TTC8: variants seen among roughly 807,000 people sequenced by gnomAD.
TTC8 encodes tetratricopeptide repeat domain 8, also known as tetratricopeptide repeat protein 8.
Under a neutral mutation model 72.5 loss-of-function variants are expected in TTC8, and 47 were observed. The ratio of observed to expected loss-of-function variants is 0.65; its 90% CI spans 0.51 to 0.83. The LOEUF is 0.83. Ranked by LOEUF, TTC8 falls within the 40% of genes least tolerant of loss-of-function variation. TTC8 has a pLI of 0.00. For synonymous variants in TTC8, 199 were observed against 221.4 expected (o/e 0.90, Z 0.90); for missense variants, 611 against 623.2 (o/e 0.98, Z 0.21).
chr14:88,841,374 C>T (rs1456952021), intron 5 of TTC8, 51 bp from the exon 6 acceptor site: 2 of 1,606,776 alleles, frequency 1.2e-6, no homozygotes, highest in East Asian at 2.2e-5. Context: ...AACTTGTTTA[C>T]ATTTCAAGAG....
At chr14:88,840,533 G>A (rs569386779) in intron 3 of TTC8, among the ~76,000 whole-genome samples, 72 of 152,148 alleles carry the variant, frequency 4.7e-4, no homozygotes, top group Admixed American at 6.5e-4. Context: ...TATGAAGATA[G>A]AACCATTATT....
chr14:88,833,710 G>T lies in TTC8; in HGVS notation c.132G>T (p.Leu44Phe), dbSNP rs1205043296. Reference sequence around the variant, plus strand: ...CTTTCCAGGAACCAGATCCTGAATTGCCAGTGCATCAGGTAAAGAAAGGTT... The same window carrying T: ...CTTTCCAGGAACCAGATCCTGAATTTCCAGTGCATCAGGTAAAGAAAGGTT... The part of the protein sequence containing the change: ...SPYDQEPDPE[L>F]PVHQAAWILK... The change falls in exon 2 of 15, where the codon TTG becomes TTT. Residue 44 changes from leucine to phenylalanine, a missense_variant. Physicochemically the swap from Leu to Phe is conservative, Grantham distance 22. Coordinates refer to ENST00000380656, the MANE Select transcript of TTC8 (RefSeq NM_144596.4). 1.9e-6 allele frequency: 3 copies of T among 1,613,536 alleles called. No homozygotes were observed. The highest frequency in any genetic ancestry group is 2.5e-6 in the Non-Finnish European group (3 of 1,179,686).
At chr14:88,848,722 G>A (rs1037109582) in intron 7 of TTC8, among the ~76,000 whole-genome samples, 3 of 152,040 alleles carry the variant, frequency 2.0e-5, no homozygotes, top group Non-Finnish European at 4.4e-5. Flanking sequence ...TTAAATAGAA[G>A]TATAACTCTA....
chr14:88,861,270 C>T lies in TTC8; in HGVS notation c.847C>T (p.Gln283Ter), dbSNP rs1762626834. 1 of 1,612,856 alleles carries T rather than the reference C, an allele frequency of 6.2e-7. No individual in the cohort carries two copies. The highest frequency in any genetic ancestry group is 8.5e-7 in the Non-Finnish European group (1 of 1,179,394). Residue 283 changes from glutamine to a stop codon, truncating the protein, a stop_gained, in exon 10 of 15, where the codon CAA becomes TAA. Transcript: ENST00000380656. LOFTEE classifies it high-confidence loss of function. ...TGTGACTGCTTTAAATCTTTTCAAA[C>T]AAGGCTTAGATAAGTTTCCAGGAGA... ...QPVTALNLFKQGLDKFPGEVT... is the reference protein window; with the variant it reads ...QPVTALNLFK
intron 9 of TTC8, among the ~76,000 whole-genome samples, chr14:88,858,773 T>TA (rs2141010460): frequency 6.9e-6 from 1 of 145,960 alleles, no homozygotes; most frequent in South Asian, 2.2e-4. Flanking sequence ...TTTTTTTTTT[T>TA]TTTTTTTTTG....
Position 88,843,866 on chromosome 14 carries a change from A to T in TTC8, c.624+16A>T. On this transcript the variant is annotated intron_variant, in intron 7 of 14. Transcript: ENST00000380656. ...TGTTAAGACTGTAAGTTTTGAATTC[A>T]TGCTATTTTCTTTTATTGTAATTTT... is the stretch of plus-strand genomic sequence containing the variant. 1 of 1,547,492 alleles carries T rather than the reference A, an allele frequency of 6.5e-7. No individual in the cohort carries two copies.
downstream of TTC8, chr14:88,878,671 G>A (rs2094965490): frequency 6.6e-6 from 1 of 152,062 alleles, no homozygotes; most frequent in South Asian, 2.1e-4. Context: ...ATTTCCTCAG[G>A]TACTATCACA....
intron 1 of TTC8, among the ~76,000 whole-genome samples, chr14:88,826,879 ATTTGGG>A (rs1251727956): frequency 6.6e-6 from 1 of 152,234 alleles, no homozygotes; most frequent in East Asian, 1.9e-4. Flanking sequence ...CATTAAGTAC[ATTTGGG>A]AAATGTATGT....
chr14:88,873,896 A>G (rs777438672), intron 13 of TTC8, among the ~76,000 whole-genome samples: 2 of 152,214 alleles, frequency 1.3e-5, no homozygotes, highest in African/African-American at 2.4e-5. Flanking sequence ...ATGCCAGTAC[A>G]TTAGCCTGGT....
rs1163866211 is a variant in TTC8 at position 88,877,505 on chromosome 14, A to G, written c.*95A>G. 2 of 992,366 alleles carry G rather than the reference A, an allele frequency of 2.0e-6. No homozygotes were observed. Among genetic ancestry groups the G allele is most frequent in the African/African-American group, 1.6e-5 (1 of 63,066 alleles). The allele number at this position is 992,366 out of a possible 1,614,324, so 61.5% of individuals were successfully genotyped here. A position where few individuals can be genotyped will look rare whatever the true frequency, so the allele number is the denominator to read the frequency against. Reference sequence around the variant, plus strand: ...TATGTATGTATATAGTGTAATACGTATATTTTAACAAACCTGTCCTTGATA... The same window carrying G: ...TATGTATGTATATAGTGTAATACGTGTATTTTAACAAACCTGTCCTTGATA... On this transcript the variant is annotated 3_prime_UTR_variant, in exon 15 of 15. Transcript: ENST00000380656.
At chr14:88,824,578 G>A (rs558264929), upstream of TTC8, 44 of 675,662 alleles carry the variant, frequency 6.5e-5, 2 homozygotes, top group South Asian at 6.8e-4. Flanking sequence ...TCTCAGGCGC[G>A]CTGCGGGCAC....
chr14:88,854,469 G>T (rs1015691871), intron 8 of TTC8, among the ~76,000 whole-genome samples: 3 of 152,122 alleles, frequency 2.0e-5, no homozygotes, highest in Non-Finnish European at 2.9e-5. Context: ...CTTTCAAATG[G>T]TTTACAATAG....
At chr14:88,837,670 C>A (rs1169339319) in intron 2 of TTC8, among the ~76,000 whole-genome samples, 1 of 152,112 alleles carries the variant, frequency 6.6e-6, no homozygotes, top group African/African-American at 2.4e-5. Context: ...GCAGTATGAC[C>A]TGTAGAGATT....
intron 9 of TTC8, among the ~76,000 whole-genome samples, chr14:88,858,667 C>G (rs899008682): frequency 1.3e-5 from 2 of 151,378 alleles, no homozygotes; most frequent in Non-Finnish European, 2.9e-5. Context: ...TATCACGGCT[C>G]ACTGCAGCCT....
intron 12 of TTC8, 152 bp from the exon 13 acceptor site, chr14:88,872,178 G>A: frequency 4.2e-6 from 5 of 1,180,396 alleles, no homozygotes. Context: ...TATATTCTTA[G>A]GTTAAATCCA....
intron 11 of TTC8, among the ~76,000 whole-genome samples, chr14:88,870,896 A>G (rs985581249): frequency 1.3e-5 from 2 of 152,138 alleles, no homozygotes; most frequent in South Asian, 2.1e-4. Context: ...CAACCCCCAA[A>G]GTGGGTCATG....
chr14:88,838,213 A>G (rs899057458), intron 2 of TTC8, among the ~76,000 whole-genome samples: 3 of 152,210 alleles, frequency 2.0e-5, no homozygotes, highest in Non-Finnish European at 2.9e-5. Context: ...TCCAACATCT[A>G]TAAAACCACA....
At chr14:88,844,962 A>G (rs1012170857) in intron 7 of TTC8, among the ~76,000 whole-genome samples, 1 of 152,236 alleles carries the variant, frequency 6.6e-6, no homozygotes, top group Non-Finnish European at 1.5e-5. Flanking sequence ...CTGAAGAAAT[A>G]AAATGGACAT....
rs936739790 is a variant in TTC8 at position 88,861,307 on chromosome 14, T to A, written c.884T>A (p.Leu295His). Residue 295 changes from leucine to histidine, a missense_variant, in exon 10 of 15, where the codon CTC becomes CAC. By Grantham distance (99) the Leu-to-His change is moderately conservative. Transcript: ENST00000380656. ...LDKFPGEVTL[L>H]CGIARIYEEM... Reference sequence around the variant, plus strand: ...AAGTTTCCAGGAGAAGTAACCCTGCTCTGTGGAATTGCAAGAATCTATGAG... The same window carrying A: ...AAGTTTCCAGGAGAAGTAACCCTGCACTGTGGAATTGCAAGAATCTATGAG... The A allele has an allele frequency of 6.2e-7, 1 of 1,611,532 alleles. No individual in the cohort carries two copies. The highest frequency in any genetic ancestry group is 1.3e-5 in the African/African-American group (1 of 74,862).
Sources: allele counts gnomAD v4.1 joint callset (sites outside exome capture counted in the v4.1 genomes callset), GRCh38; gene constraint gnomAD v4.1.1; transcripts MANE v1.5; gene names NCBI Gene and HGNC (gene_info 2026-07-23, HGNC 2026-07-21).